PCDH11X: variants seen among roughly 807,000 people sequenced by gnomAD.
PCDH11X encodes the protein protocadherin 11 X-linked.
In PCDH11X, 18 loss-of-function variants were observed where a neutral mutation model predicts 53.3. The ratio of observed to expected loss-of-function variants is 0.34; its 90% CI spans 0.23 to 0.50. The LOEUF (loss-of-function observed/expected upper bound fraction) is 0.50. PCDH11X is among the 20% of genes least tolerant of loss of function. PCDH11X has a pLI of 0.98. For synonymous variants in PCDH11X, 279 were observed against 393.3 expected, an observed-to-expected ratio of 0.71 and a Z score of 3.44; for missense variants, 570 against 1,032.4, an observed-to-expected ratio of 0.55 and a Z score of 6.14.
chrX:91,972,161 C>A (rs2061970023), intron 6 of PCDH11X, among the ~76,000 whole-genome samples: 1 of 103,468 alleles, frequency 9.7e-6, no homozygotes, highest in Non-Finnish European at 2.0e-5. Context: ...GAGATGGTAT[C>A]TCATTGTGGT....
Position 91,877,752 on chromosome X carries a change from G to A in PCDH11X, c.1512G>A (p.Leu504=), listed in dbSNP as rs1223017579. 8.3e-7 allele frequency: 1 copy of A among 1,211,466 alleles called. No homozygotes were observed. The highest frequency in any genetic ancestry group is 2.2e-5 in the Admixed American group (1 of 45,990). The change falls in exon 6 of 11, where the codon CTG becomes CTA. Residue 504 remains leucine, a synonymous_variant. Transcript: ENST00000682573. ...GGCCTAATGCTAAGATCAATTACCTGCTAGGCCCTGATGCTCCACCTGAAT... is the reference window on the plus strand; with the variant it reads ...GGCCTAATGCTAAGATCAATTACCTACTAGGCCCTGATGCTCCACCTGAAT... ...DSGPNAKINY[L]LGPDAPPEFS... is the part of the protein sequence containing the mutation.
At chrX:92,109,342 C>G (rs1294381875) in intron 6 of PCDH11X, among the ~76,000 whole-genome samples, 2 of 110,221 alleles carry the variant, frequency 1.8e-5, no homozygotes, top group Non-Finnish European at 3.8e-5. Context: ...CCACTGCACT[C>G]CAGCCTGGGT....
Position 91,821,040 on chromosome X carries a change from T to G in PCDH11X, c.-45+9745T>G, listed in dbSNP as rs746493522. ...CTGTTCCATTGATCTATATCTCTGT[T>G]TTGGTACCAGTACCATGCTGTTTTG... On this transcript the variant is annotated intron_variant, in intron 4 of 10. Coordinates refer to ENST00000682573, the MANE Select transcript of PCDH11X (RefSeq NM_032968.5). Among the ~76,000 whole-genome samples, 89 of 106,772 alleles carry G rather than the reference T, an allele frequency of 8.3e-4. 1 individual carries two copies. The highest frequency in any genetic ancestry group is 2.2e-3 in the Admixed American group (23 of 10,263). The allele number at this position is 106,772 out of a possible 115,157, so 92.7% of individuals were successfully genotyped here.
chrX:91,858,284 A>AT (rs1938465097), intron 5 of PCDH11X, among the ~76,000 whole-genome samples: 2 of 110,038 alleles, frequency 1.8e-5, no homozygotes, highest in South Asian at 7.8e-4. Flanking sequence ...TGAAACAATT[A>AT]TTTTTTTCTC....
intron 6 of PCDH11X, among the ~76,000 whole-genome samples, chrX:91,995,362 G>A (rs1438950111): frequency 5.4e-5 from 6 of 111,223 alleles, no homozygotes; most frequent in Admixed American, 2.9e-4. Flanking sequence ...GTTTGTGTGT[G>A]ATGTAAGATA....
chrX:92,475,186 A>T (rs1369765691), intron 10 of PCDH11X, among the ~76,000 whole-genome samples: 1 of 102,505 alleles, frequency 9.8e-6, no homozygotes, highest in Non-Finnish European at 2.0e-5. Context: ...AAAAAAAAAA[A>T]AAAAAAAGAA....
chrX:91,947,107 A>G (rs1302360696), intron 6 of PCDH11X, among the ~76,000 whole-genome samples: 1 of 105,914 alleles, frequency 9.4e-6, no homozygotes, highest in Non-Finnish European at 1.9e-5. Flanking sequence ...GAATTCCTCT[A>G]TATTCATATT....
intron 9 of PCDH11X, among the ~76,000 whole-genome samples, chrX:92,453,589 T>G (rs2072847746): frequency 9.0e-6 from 1 of 111,469 alleles, no homozygotes; most frequent in Non-Finnish European, 1.9e-5. Flanking sequence ...ATTATGGGTT[T>G]TTTTCTTTTT....
chrX:92,603,430 T>C (rs1926448581), intron 10 of PCDH11X, among the ~76,000 whole-genome samples: 1 of 106,069 alleles, frequency 9.4e-6, no homozygotes, highest in South Asian at 4.2e-4. Flanking sequence ...AGAAATAATG[T>C]TATTAAATTT....
At chrX:92,151,245 T>C (rs923036459) in intron 6 of PCDH11X, among the ~76,000 whole-genome samples, 1 of 110,493 alleles carries the variant, frequency 9.1e-6, no homozygotes, top group African/African-American at 3.3e-5. Flanking sequence ...CAGGCTGGAG[T>C]GCAGTGGCGC....
intron 6 of PCDH11X, among the ~76,000 whole-genome samples, chrX:92,147,851 C>CTTTCTTTCTTTCTTTCT (rs1410054680): frequency 2.1e-5 from 2 of 95,306 alleles, no homozygotes; most frequent in African/African-American, 4.1e-5. Context: ...TTCTTTCTTT[C>CTTTCTTTCTTTCTTTCT]TTTTTTCTTT....
intron 9 of PCDH11X, among the ~76,000 whole-genome samples, chrX:92,403,339 G>GTTTTTTTTT (rs1191277649): frequency 0.013 from 627 of 49,287 alleles, 1 homozygote; most frequent in Non-Finnish European, 0.014. Context: ...GTTTTTTTTT[G>GTTTTTTTTT]TTTTTTTTTT....
chrX:92,042,613 C>T (rs1253390877), intron 6 of PCDH11X, among the ~76,000 whole-genome samples: 2 of 98,601 alleles, frequency 2.0e-5, no homozygotes. Context: ...GATTATAGCT[C>T]AGGAAGCTAT....
At chrX:92,004,923 C>A (rs1327914668) in intron 6 of PCDH11X, among the ~76,000 whole-genome samples, 1 of 109,095 alleles carries the variant, frequency 9.2e-6, no homozygotes, top group East Asian at 2.9e-4. Context: ...CTACGGGCAC[C>A]CGCCACCGCG....
At chrX:92,280,008 C>T (rs202024993) in intron 8 of PCDH11X, among the ~76,000 whole-genome samples, 29 of 111,819 alleles carry the variant, frequency 2.6e-4, no homozygotes, top group Admixed American at 9.5e-4. Flanking sequence ...CATTTACATA[C>T]GCAAATAGCT....
chrX:92,406,444 C>T (rs1484785984), intron 9 of PCDH11X, among the ~76,000 whole-genome samples: 3 of 103,781 alleles, frequency 2.9e-5, no homozygotes, highest in Non-Finnish European at 3.9e-5. Context: ...TTGTAATGCT[C>T]TATTACTAGT....
intron 6 of PCDH11X, among the ~76,000 whole-genome samples, chrX:92,144,538 C>T (rs760249358): frequency 2.7e-5 from 3 of 111,467 alleles, no homozygotes; most frequent in Non-Finnish European, 5.6e-5. Flanking sequence ...AAGTGTCTCT[C>T]GCCTCCTACC....
At chrX:92,130,810 G>A (rs1159686870) in intron 6 of PCDH11X, among the ~76,000 whole-genome samples, 1 of 110,810 alleles carries the variant, frequency 9.0e-6, no homozygotes, top group Admixed American at 9.7e-5. Context: ...ATAATTTTAT[G>A]TTAATGGAAC....
At chrX:92,274,380 T>G (rs962352185) in intron 8 of PCDH11X, among the ~76,000 whole-genome samples, 1 of 110,157 alleles carries the variant, frequency 9.1e-6, no homozygotes, top group African/African-American at 3.4e-5. Flanking sequence ...TTGGCTGATT[T>G]GACTAATAAA....
Sources: allele counts gnomAD v4.1 joint callset (sites outside exome capture counted in the v4.1 genomes callset), GRCh38; gene constraint gnomAD v4.1.1; transcripts MANE v1.5; gene names NCBI Gene and HGNC (gene_info 2026-07-23, HGNC 2026-07-21).